NKAIN3: variants seen among roughly 807,000 people sequenced by gnomAD.
NKAIN3 encodes sodium/potassium transporting ATPase interacting 3, also known as sodium/potassium-transporting ATPase subunit beta-1-interacting protein 3.
Under a neutral mutation model 30.2 loss-of-function variants are expected in NKAIN3, and 25 were observed. The ratio of observed to expected loss-of-function variants is 0.83; its 90% confidence interval spans 0.60 to 1.16. The LOEUF is 1.16. Ranked by LOEUF, NKAIN3 falls within the 50% of genes most tolerant of loss-of-function variation. The pLI is 0.00. For synonymous variants in NKAIN3, 91 were observed against 89.6 expected (o/e 1.02, Z -0.09); for missense variants, 225 against 254.1 (o/e 0.89, Z 0.78).
chr8:62,972,214 CT>C lies in NKAIN3; in HGVS notation c.*6809del, dbSNP rs1274983708. On this transcript the variant is annotated 3_prime_UTR_variant, in exon 7 of 7. Coordinates refer to ENST00000623646, the MANE Select transcript of NKAIN3 (RefSeq NM_001304533.3). ...AAATAAGAAGTATATGATCTTTTCT[CT>C]TATTTTCTCTCAGTATAAGTTGGAC... Among the ~76,000 whole-genome samples, 1 of 152,074 alleles carries C rather than the reference CT, an allele frequency of 6.6e-6. No individual in the cohort carries two copies. The highest frequency in any genetic ancestry group is 2.4e-5 in the African/African-American group (1 of 41,408).
At chr8:62,296,861 C>T (rs1813847467) in intron 1 of NKAIN3, among the ~76,000 whole-genome samples, 1 of 152,048 alleles carries the variant, frequency 6.6e-6, no homozygotes, top group Admixed American at 6.6e-5. Flanking sequence ...TGGTCTCCTC[C>T]TCCCTCTCAT....
chr8:62,457,743 AT>A (rs1805863030), intron 1 of NKAIN3, among the ~76,000 whole-genome samples: 1 of 152,228 alleles, frequency 6.6e-6, no homozygotes, highest in South Asian at 2.1e-4. Flanking sequence ...TTCCTATTAT[AT>A]TTTTAGTGCA....
At chr8:62,888,497 A>T (rs909962063) in intron 4 of NKAIN3, among the ~76,000 whole-genome samples, 1 of 152,200 alleles carries the variant, frequency 6.6e-6, no homozygotes, top group Admixed American at 6.5e-5. Context: ...TTTCTGTTCC[A>T]TTAAGTTGTG....
intron 1 of NKAIN3, among the ~76,000 whole-genome samples, chr8:62,324,265 T>C (rs988652295): frequency 3.3e-5 from 5 of 152,066 alleles, no homozygotes; most frequent in African/African-American, 1.2e-4. Flanking sequence ...TTTCTGTAAA[T>C]GTAAAACTTA....
chr8:62,800,281 G>T (rs1307046489), intron 4 of NKAIN3, among the ~76,000 whole-genome samples: 1 of 152,184 alleles, frequency 6.6e-6, no homozygotes, highest in Non-Finnish European at 1.5e-5. Context: ...TTATAATTTT[G>T]TATATGCCAG....
chr8:62,534,798 C>T (rs928494938), intron 1 of NKAIN3, among the ~76,000 whole-genome samples: 1 of 151,910 alleles, frequency 6.6e-6, no homozygotes, highest in East Asian at 1.9e-4. Context: ...ATATGGCTGC[C>T]CCTGCCTGCC....
Position 62,269,155 on chromosome 8 carries a change from G to T in NKAIN3, c.54+20028G>T, listed in dbSNP as rs547737916. Among the ~76,000 whole-genome samples, 4 of 152,252 alleles carry T rather than the reference G, an allele frequency of 2.6e-5. No homozygotes were observed. In the East Asian group the frequency reaches 7.7e-4, roughly 29 times the overall value. ...TAATTCTGGAATCTAGAAGAACATT[G>T]CTCAATAAAACCCCTGTGCATGGTG... is the stretch of plus-strand genomic sequence containing the variant. On this transcript the variant is annotated intron_variant, in intron 1 of 6. Transcript: ENST00000623646.
At chr8:62,870,682 T>G (rs1182353254) in intron 4 of NKAIN3, among the ~76,000 whole-genome samples, 1 of 115,480 alleles carries the variant, frequency 8.7e-6, no homozygotes, top group Admixed American at 8.4e-5. Flanking sequence ...TCTATATATC[T>G]ATATCTCTCT....
intron 3 of NKAIN3, among the ~76,000 whole-genome samples, chr8:62,674,864 G>A (rs373339766): frequency 3.3e-5 from 5 of 152,152 alleles, no homozygotes; most frequent in African/African-American, 4.8e-5. Flanking sequence ...GCTCTGCTGC[G>A]CCAATCACAA....
chr8:62,293,826 C>T (rs949043154), intron 1 of NKAIN3, among the ~76,000 whole-genome samples: 4 of 152,188 alleles, frequency 2.6e-5, no homozygotes, highest in African/African-American at 9.6e-5. Flanking sequence ...CTATGCCCTG[C>T]CCCCAGAGGT....
At chr8:62,988,566 C>T (rs145807994), downstream of NKAIN3, among the ~76,000 whole-genome samples, 101 of 152,364 alleles carry the variant, frequency 6.6e-4, no homozygotes, top group East Asian at 0.02. Flanking sequence ...ACAGCCTGAG[C>T]TGTACCTTGT....
intron 3 of NKAIN3, among the ~76,000 whole-genome samples, chr8:62,743,432 A>C (rs963437832): frequency 6.6e-6 from 1 of 152,248 alleles, no homozygotes; most frequent in Admixed American, 6.5e-5. Flanking sequence ...CTCCTAAAAC[A>C]AAAGAGAGGT....
intron 1 of NKAIN3, among the ~76,000 whole-genome samples, chr8:62,254,050 T>C (rs1337654945): frequency 6.6e-6 from 1 of 152,148 alleles, no homozygotes; most frequent in African/African-American, 2.4e-5. Context: ...TGTCTACTAA[T>C]GAGACTTGAG....
intron 1 of NKAIN3, among the ~76,000 whole-genome samples, chr8:62,337,392 A>G (rs542777251): frequency 1.3e-5 from 2 of 152,130 alleles, no homozygotes; most frequent in African/African-American, 4.8e-5. Context: ...AGCTTACATT[A>G]TAATTGGAAA....
intron 1 of NKAIN3, among the ~76,000 whole-genome samples, chr8:62,315,595 A>G (rs2129588970): frequency 6.6e-6 from 1 of 152,306 alleles, no homozygotes; most frequent in Non-Finnish European, 1.5e-5. Flanking sequence ...CAAAGCAGAA[A>G]TCAGGGATGT....
chr8:62,513,302 A>G (rs942761968), intron 1 of NKAIN3, among the ~76,000 whole-genome samples: 3 of 151,420 alleles, frequency 2.0e-5, no homozygotes, highest in African/African-American at 7.3e-5. Flanking sequence ...GACTGAAGCT[A>G]AATGCAACTA....
chr8:62,412,914 A>AC (rs1386500450), intron 1 of NKAIN3, among the ~76,000 whole-genome samples: 50 of 82,196 alleles, frequency 6.1e-4, no homozygotes, highest in African/African-American at 2.3e-3. Context: ...TCCGTCAAAA[A>AC]AAAAAAACAA....
chr8:62,999,526 G>C (rs1035455218), exon 6 of NKAIN3: 1 of 152,076 alleles, frequency 6.6e-6, no homozygotes, highest in East Asian at 1.9e-4. Flanking sequence ...AGATTTGGAG[G>C]GGACAAATAT....
chr8:62,468,011 G>GATCCA (rs1339834213), intron 1 of NKAIN3, among the ~76,000 whole-genome samples: 1 of 152,054 alleles, frequency 6.6e-6, no homozygotes, highest in Non-Finnish European at 1.5e-5. Context: ...GAGCTCCAGT[G>GATCCA]ATCCACCCGC....
Sources: allele counts gnomAD v4.1 joint callset (sites outside exome capture counted in the v4.1 genomes callset), GRCh38; gene constraint gnomAD v4.1.1; transcripts MANE v1.5; gene names NCBI Gene and HGNC (gene_info 2026-07-23, HGNC 2026-07-21).